HECW1: variants seen among roughly 807,000 people sequenced by gnomAD.
HECW1 encodes the protein E3 ubiquitin-protein ligase HECW1.
A neutral mutation model predicts 182.3 loss-of-function variants in HECW1; 61 were observed. That is an observed-to-expected ratio of 0.33 (90% CI 0.27 to 0.41). The LOEUF is 0.41. Among genes scored for constraint, HECW1 ranks in the 10% least tolerant of loss-of-function variants. The pLI is 1.00. For synonymous variants in HECW1, 859 were observed against 832.6 expected (o/e 1.03, Z -0.55); for missense variants, 1,739 against 2,108.9 (o/e 0.82, Z 3.44).
Position 43,255,932 on chromosome 7 carries a change from T to C in HECW1, c.27+12000T>C, listed in dbSNP as rs1427664958. Among the ~76,000 whole-genome samples the C allele has an allele frequency of 2.6e-5, 4 of 152,334 alleles. No homozygotes were observed. The East Asian group carries it at 7.7e-4, about 29-fold the overall frequency. The stretch of plus-strand genomic sequence containing the variant: ...GTGAGAAGGAAGGATTTCTTTTCCT[T>C]ATTATAAAAAGTTATGTCATCTGCT... On this transcript the variant is annotated intron_variant, in intron 3 of 29. Coordinates refer to ENST00000395891, the MANE Select transcript of HECW1 (RefSeq NM_015052.5).
At chr7:43,158,990 G>A (rs1790198399) in intron 2 of HECW1, among the ~76,000 whole-genome samples, 1 of 152,056 alleles carries the variant, frequency 6.6e-6, no homozygotes, top group Non-Finnish European at 1.5e-5. Flanking sequence ...GGTGGGAAAG[G>A]GCCAGATAAT....
chr7:43,500,834 C>T (rs1356429396), intron 20 of HECW1, 52 bp downstream of exon 20: 3 of 1,429,180 alleles, frequency 2.1e-6, no homozygotes, highest in Non-Finnish European at 3.0e-6. Context: ...GGGCAGCTCT[C>T]CTCCATCACG....
At chr7:43,132,955 G>T (rs1345023458) in intron 2 of HECW1, among the ~76,000 whole-genome samples, 4 of 152,050 alleles carry the variant, frequency 2.6e-5, no homozygotes, top group Non-Finnish European at 5.9e-5. Flanking sequence ...AAATAATAAG[G>T]GCTATTTGTT....
intron 3 of HECW1, among the ~76,000 whole-genome samples, chr7:43,267,119 T>C (rs1313629292): frequency 6.6e-6 from 1 of 152,136 alleles, no homozygotes; most frequent in Admixed American, 6.5e-5. Flanking sequence ...TTACATAAAA[T>C]CAAATAATAT....
At chr7:43,359,693 A>G (rs996467882) in intron 5 of HECW1, among the ~76,000 whole-genome samples, 1 of 152,198 alleles carries the variant, frequency 6.6e-6, no homozygotes, top group Non-Finnish European at 1.5e-5. Flanking sequence ...CGTATTTTCC[A>G]TTCTGAGCAC....
intron 3 of HECW1, among the ~76,000 whole-genome samples, chr7:43,257,084 CT>C (rs1800662570): frequency 6.6e-6 from 1 of 152,214 alleles, no homozygotes; most frequent in Non-Finnish European, 1.5e-5. Flanking sequence ...TTCATTCATT[CT>C]GTGAGCCTTA....
At chr7:43,190,327 T>C (rs1032645784) in intron 2 of HECW1, among the ~76,000 whole-genome samples, 1 of 152,218 alleles carries the variant, frequency 6.6e-6, no homozygotes, top group Non-Finnish European at 1.5e-5. Flanking sequence ...TTGGTCAGGC[T>C]GGTCTTGAAC....
chr7:43,287,397 G>A (rs1346108606), intron 3 of HECW1, among the ~76,000 whole-genome samples: 2 of 152,160 alleles, frequency 1.3e-5, no homozygotes, highest in Non-Finnish European at 2.9e-5. Context: ...AGGAGGAAGA[G>A]CCAGGAGTCC....
At chr7:43,248,144 AAG>A (rs1420758415) in intron 3 of HECW1, among the ~76,000 whole-genome samples, 2 of 151,592 alleles carry the variant, frequency 1.3e-5, no homozygotes, top group East Asian at 2.0e-4. Flanking sequence ...AGAGGAGAGA[AAG>A]AAGAAGAAAG....
chr7:43,329,710 G>A (rs555204532), intron 5 of HECW1, among the ~76,000 whole-genome samples: 2 of 152,210 alleles, frequency 1.3e-5, no homozygotes, highest in Admixed American at 6.5e-5. Context: ...ACAGTTGCCC[G>A]GACACGGCGT....
Position 43,469,002 on chromosome 7 carries a change from G to A in HECW1, c.2996G>A (p.Arg999His), listed in dbSNP as rs372121389. ...KVRRDARNFERYQHNRDLVNF... is the reference protein window; with the variant it reads ...KVRRDARNFEHYQHNRDLVNF... The stretch of plus-strand genomic sequence containing the variant: ...CGACGGGATGCTCGCAATTTTGAAC[G>A]CTACCAGCACAACCGGGACTTGGTG... The change falls in exon 16 of 30, where the codon CGC becomes CAC. Residue 999 changes from arginine to histidine, a missense_variant. By Grantham distance (29) the Arg-to-His change is conservative. Transcript: ENST00000395891. 9 of 1,614,194 alleles carry A rather than the reference G, an allele frequency of 5.6e-6. No homozygotes were observed. The East Asian group carries it at 8.9e-5, about 16-fold the overall frequency.
chr7:43,289,981 G>T lies in HECW1; in HGVS notation c.28-21782G>T, dbSNP rs370728439. 5.4e-4 allele frequency among the ~76,000 whole-genome samples: 82 copies of T among 152,348 alleles called. 3 individuals carry two copies. In the South Asian group the frequency reaches 0.017, roughly 31 times the overall value. ...CAGTAGAAAGGAAAGCTTGAGTTAG[G>T]ATAAAGCGGGTTGTGGAGGCCAAGG... is the stretch of plus-strand genomic sequence containing the variant. On this transcript the variant is annotated intron_variant, in intron 3 of 29. Coordinates refer to ENST00000395891, the MANE Select transcript of HECW1 (RefSeq NM_015052.5).
intron 6 of HECW1, among the ~76,000 whole-genome samples, chr7:43,386,067 A>C (rs2074782196): frequency 6.6e-6 from 1 of 152,164 alleles, no homozygotes; most frequent in South Asian, 2.1e-4. Flanking sequence ...CCAGGGGCCA[A>C]CCTGGGTCCT....
intron 16 of HECW1, among the ~76,000 whole-genome samples, chr7:43,476,866 G>A (rs1194697782): frequency 6.6e-6 from 1 of 152,118 alleles, no homozygotes; most frequent in Non-Finnish European, 1.5e-5. Flanking sequence ...CTGACCCCTG[G>A]AGAGGAATGA....
intron 2 of HECW1, among the ~76,000 whole-genome samples, chr7:43,232,460 C>G (rs964504501): frequency 3.3e-5 from 5 of 152,204 alleles, no homozygotes; most frequent in African/African-American, 1.2e-4. Context: ...AATAAATACC[C>G]ATACAATCTC....
intron 3 of HECW1, chr7:43,274,647 G>C: frequency 3.4e-6 from 1 of 290,778 alleles, no homozygotes; most frequent in Non-Finnish European, 6.7e-6. Context: ...GAGGGAGGGA[G>C]AGAGAGAGAG....
chr7:43,186,036 T>C (rs909245377), intron 2 of HECW1, among the ~76,000 whole-genome samples: 9 of 152,096 alleles, frequency 5.9e-5, no homozygotes, highest in African/African-American at 2.2e-4. Flanking sequence ...TACTACTCAG[T>C]AGGTCCTGGA....
chr7:43,524,675 G>A (rs933117679), intron 24 of HECW1, among the ~76,000 whole-genome samples: 5 of 152,186 alleles, frequency 3.3e-5, no homozygotes, highest in African/African-American at 7.2e-5. Context: ...GAGGAGTGGA[G>A]AGGCTTTGAC....
intron 27 of HECW1, among the ~76,000 whole-genome samples, chr7:43,551,429 A>ATAC (rs139705334): frequency 0.16 from 24,098 of 152,112 alleles, 2,480 homozygotes; most frequent in Non-Finnish European, 0.24. Context: ...GGGATGGAAA[A>ATAC]TACAGTCGTT....
Sources: gnomAD v4.1 joint callset for allele counts (sites outside exome capture counted in the v4.1 genomes callset) on GRCh38, gnomAD v4.1.1 for gene constraint, MANE v1.5 for transcripts, NCBI Gene and HGNC (gene_info 2026-07-23, HGNC 2026-07-21) for gene names.